MS4A4A: variants seen among roughly 807,000 people sequenced by gnomAD.
MS4A4A encodes membrane spanning 4-domains A4A.
In MS4A4A, 26 loss-of-function variants were observed where a neutral mutation model predicts 28.0. That is an observed-to-expected ratio of 0.93 (90% CI 0.68 to 1.29). The LOEUF (loss-of-function observed/expected upper bound fraction) is 1.29, where lower values mean the gene tolerates loss of function less well. MS4A4A is among the 50% of genes most tolerant of loss of function. MS4A4A has a pLI of 0.00. For synonymous variants in MS4A4A, 86 were observed against 100.8 expected (o/e 0.85, Z 0.88); for missense variants, 290 against 293.1 (o/e 0.99, Z 0.08).
chr11:60,308,043 G>C (rs141915851), intron 6 of MS4A4A, 64 bp from the exon 7 acceptor site: 22 of 1,373,952 alleles, frequency 1.6e-5, no homozygotes, highest in Non-Finnish European at 2.3e-5. Flanking sequence ...CTTTATGTGG[G>C]CAGGAAAGGG....
rs1216157542 is a variant in MS4A4A at position 60,281,554 on chromosome 11, C to G, written c.41+838C>G. The stretch of plus-strand genomic sequence containing the variant: ...CCACCACTTCTGCATCCCCATCATC[C>G]TTCTAAAACCATCCAGATTCAGGCC... On this transcript the variant is annotated intron_variant, in intron 1 of 6. Coordinates refer to ENST00000337908, the MANE Select transcript of MS4A4A (RefSeq NM_148975.3). Among the ~76,000 whole-genome samples, 2 of 152,300 alleles carry G rather than the reference C, an allele frequency of 1.3e-5. 1 individual carries two copies. The highest frequency in any genetic ancestry group is 4.1e-4 in the South Asian group (2 of 4,828).
intron 5 of MS4A4A, 151 bp downstream of exon 5, chr11:60,302,868 G>A: frequency 1.3e-6 from 1 of 765,554 alleles, no homozygotes; most frequent in East Asian, 2.7e-5. Context: ...TCATTTAGGA[G>A]TTAGGTACAT....
rs1373259501 is a variant in MS4A4A, at chr11:60,301,153, G to C, written c.387+96G>C. ...TAAAACAGGTTTTGTTTCTTTGTTT[G>C]TAAAAAATCAGGAGCGATTGTGCAT... is the stretch of plus-strand genomic sequence containing the variant. On this transcript the variant is annotated intron_variant, in intron 4 of 6. Coordinates refer to ENST00000337908, the MANE Select transcript of MS4A4A (RefSeq NM_148975.3). The C allele has an allele frequency of 2.9e-6, 3 of 1,048,216 alleles. No homozygotes were observed. The African/African-American group carries it at 4.9e-5, about 17-fold the overall frequency. 64.9% of individuals were successfully genotyped at this position (1,048,216 alleles called of 1,614,324 possible). A position where few individuals can be genotyped will look rare whatever the true frequency, so the allele number is the denominator to read the frequency against.
At chr11:60,287,593 C>T (rs1242140257) in intron 1 of MS4A4A, among the ~76,000 whole-genome samples, 1 of 152,210 alleles carries the variant, frequency 6.6e-6, no homozygotes. Flanking sequence ...TTCTCACATA[C>T]AAAATACAAT....
At chr11:60,288,611 T>C (rs1399295549) in intron 1 of MS4A4A, among the ~76,000 whole-genome samples, 1 of 152,172 alleles carries the variant, frequency 6.6e-6, no homozygotes, top group Non-Finnish European at 1.5e-5. Flanking sequence ...ACTAGGACAC[T>C]GCAGCAACTC....
chr11:60,299,676 T>C (rs1470895536), intron 3 of MS4A4A, among the ~76,000 whole-genome samples: 3 of 152,038 alleles, frequency 2.0e-5, no homozygotes, highest in Non-Finnish European at 4.4e-5. Context: ...GGTTTCACTG[T>C]GGTCTCGATC....
chr11:60,292,271 A>G lies in MS4A4A; in HGVS notation c.88A>G (p.Met30Val). The part of the protein sequence containing the change: ...MTTMQGMEQA[M>V]PGAGPGVPQL... ...AACCATGCAAGGAATGGAACAGGCC[A>G]TGCCAGGGGCTGGCCCTGGTGTGCC... Residue 30 changes from methionine to valine, a missense_variant, in exon 2 of 7, where the codon ATG becomes GTG. Physicochemically the swap from Met to Val is conservative, Grantham distance 21. Transcript: ENST00000337908. 1 of 1,604,678 alleles carries G rather than the reference A, an allele frequency of 6.2e-7. No individual in the cohort carries two copies. Among genetic ancestry groups the G allele is most frequent in the Non-Finnish European group, 8.5e-7 (1 of 1,176,118 alleles).
At chr11:60,300,669 A>C (rs1167504062) in intron 3 of MS4A4A, among the ~76,000 whole-genome samples, 1 of 148,132 alleles carries the variant, frequency 6.8e-6, no homozygotes, top group Non-Finnish European at 1.5e-5. Flanking sequence ...ATTTTAGTGT[A>C]TTTTTTGTTT....
In MS4A4A at chr11:60,300,632, A is replaced by G. The variant is rs868749903; in HGVS notation, c.331-369A>G. On this transcript the variant is annotated intron_variant, in intron 3 of 6. Coordinates refer to ENST00000337908, the MANE Select transcript of MS4A4A (RefSeq NM_148975.3). ...CTCCGTCTCAAAAAAAAAAAAAAAA[A>G]AAAAAAAAAAATTCTAAATGAGAAT... 3.8e-3 allele frequency among the ~76,000 whole-genome samples: 560 copies of G among 146,880 alleles called. 5 individuals are homozygous for G. The highest frequency in any genetic ancestry group is 9.0e-3 in the South Asian group (42 of 4,642).
At chr11:60,302,763 TG>T (rs757811983) in intron 5 of MS4A4A, 46 bp downstream of exon 5, 40 of 1,558,102 alleles carry the variant, frequency 2.6e-5, no homozygotes, top group Non-Finnish European at 3.3e-5. Context: ...GAAGCAAGTT[TG>T]GGGAGTGCTG....
rs2085025225 is a variant in MS4A4A, at chr11:60,308,378, A to T, written c.*200A>T. The T allele has an allele frequency of 2.0e-6, 1 of 492,358 alleles. No homozygotes were observed. Among genetic ancestry groups the T allele is most frequent in the African/African-American group, 2.0e-5 (1 of 50,510 alleles). 30.5% of individuals were successfully genotyped at this position (492,358 alleles called of 1,614,324 possible). A position where few individuals can be genotyped will look rare whatever the true frequency, so the allele number is the denominator to read the frequency against. On this transcript the variant is annotated 3_prime_UTR_variant, in exon 7 of 7. Transcript: ENST00000337908. ...ATTATGTTCTCATTTTTTTCCCTGGAACTCAATAACTCATTTCACTGGCTC... is the reference window on the plus strand; with the variant it reads ...ATTATGTTCTCATTTTTTTCCCTGGTACTCAATAACTCATTTCACTGGCTC...
At chr11:60,297,063 A>G (rs566918353) in intron 2 of MS4A4A, 134 bp from the exon 3 acceptor site, 2 of 1,038,180 alleles carry the variant, frequency 1.9e-6, no homozygotes, top group South Asian at 2.8e-5. Flanking sequence ...AAAAAGAGTG[A>G]TAAGAGAATA....
At chr11:60,290,325 C>T (rs1590753048) in intron 1 of MS4A4A, 1 of 161,614 alleles carries the variant, frequency 6.2e-6, no homozygotes, top group East Asian at 1.7e-4. Flanking sequence ...TGTCCTGTTT[C>T]TTTCATACTC....
intron 1 of MS4A4A, among the ~76,000 whole-genome samples, chr11:60,288,906 A>G (rs2084825598): frequency 6.6e-6 from 1 of 152,174 alleles, no homozygotes; most frequent in Admixed American, 6.5e-5. Flanking sequence ...CAGCTCAATC[A>G]AAGCTATATG....
chr11:60,302,587 C>A lies in MS4A4A; in HGVS notation c.416C>A (p.Thr139Asn). 1 of 1,614,100 alleles carries A rather than the reference C, an allele frequency of 6.2e-7. No individual in the cohort carries two copies. Among genetic ancestry groups the A allele is most frequent in the Non-Finnish European group, 8.5e-7 (1 of 1,180,010 alleles). The change falls in exon 5 of 7, where the codon ACC becomes AAC. Residue 139 changes from threonine to asparagine, a missense_variant. Physicochemically the swap from Thr to Asn is moderately conservative, Grantham distance 65. Coordinates refer to ENST00000337908, the MANE Select transcript of MS4A4A (RefSeq NM_148975.3). Reference sequence around the variant, plus strand: ...CGAGGTAGTCTAGGAATGAATATCACCAGCTCTGTACTGGCTGCATCAGGG... The same window carrying A: ...CGAGGTAGTCTAGGAATGAATATCAACAGCTCTGTACTGGCTGCATCAGGG... ...LVRGSLGMNI[T>N]SSVLAASGIL...
intron 2 of MS4A4A, among the ~76,000 whole-genome samples, chr11:60,294,916 T>A (rs867014220): frequency 0.028 from 4,252 of 149,346 alleles, 76 homozygotes; most frequent in African/African-American, 0.036. Flanking sequence ...TTCTTCTTCT[T>A]CTTCTTCTTC....
chr11:60,292,812 T>G (rs535368075), intron 2 of MS4A4A, among the ~76,000 whole-genome samples: 3 of 152,196 alleles, frequency 2.0e-5, no homozygotes, highest in African/African-American at 7.2e-5. Flanking sequence ...AGCATTTCCA[T>G]CTGGAGTCTC....
intron 1 of MS4A4A, among the ~76,000 whole-genome samples, chr11:60,284,502 C>T (rs1234880123): frequency 6.6e-6 from 1 of 152,156 alleles, no homozygotes; most frequent in East Asian, 1.9e-4. Context: ...TTGGTGAGAG[C>T]ATGTTTTTCA....
chr11:60,301,013 G>A lies in MS4A4A; in HGVS notation c.343G>A (p.Gly115Arg). ...IWGSVMFIISGSLSIAAGIRT... is the reference protein window; with the variant it reads ...IWGSVMFIISRSLSIAAGIRT... ...CTCTCATTTTTAGTTTATTATTTCA[G>A]GATCCTTGTCAATTGCAGCAGGAAT... The change falls in exon 4 of 7, where the codon GGA becomes AGA. Residue 115 changes from glycine to arginine, a missense_variant. Transcript: ENST00000337908. 1 of 1,604,062 alleles carries A rather than the reference G, an allele frequency of 6.2e-7. No individual in the cohort carries two copies. The highest frequency in any genetic ancestry group is 8.5e-7 in the Non-Finnish European group (1 of 1,176,644).
Sources: allele counts gnomAD v4.1 joint callset (sites outside exome capture counted in the v4.1 genomes callset), GRCh38; gene constraint gnomAD v4.1.1; transcripts MANE v1.5; gene names NCBI Gene and HGNC (gene_info 2026-07-23, HGNC 2026-07-21).